Variants in RPS6KC1 observed in about 807,000 individuals in gnomAD.
The protein encoded by RPS6KC1 is inactive ribosomal protein S6 kinase delta-1.
A neutral mutation model predicts 103.8 loss-of-function variants in RPS6KC1; 54 were observed. That is an observed-to-expected ratio of 0.52 (90% CI 0.42 to 0.65). The LOEUF is 0.65. Ranked by LOEUF, RPS6KC1 falls within the 30% of genes least tolerant of loss-of-function variation. The probability of loss-of-function intolerance (pLI) is 0.00; values close to 1 mark genes in which losing one functional copy is unlikely to be tolerated. For synonymous variants in RPS6KC1, 439 were observed against 438.7 expected, an observed-to-expected ratio of 1.00 and a Z score of -0.01; for missense variants, 1,151 against 1,253.8, an observed-to-expected ratio of 0.92 and a Z score of 1.24.
intron 6 of RPS6KC1, among the ~76,000 whole-genome samples, chr1:213,167,265 A>G (rs960717425): frequency 6.6e-6 from 1 of 152,190 alleles, no homozygotes; most frequent in African/African-American, 2.4e-5. Context: ...GGAAGAAGAA[A>G]GGGACATTTC....
the RPS6KC1 span, among the ~76,000 whole-genome samples, chr1:213,305,354 A>G: frequency 1.3e-5 from 2 of 152,192 alleles, no homozygotes; most frequent in African/African-American, 4.8e-5. Context: ...AAGTGCTGAG[A>G]TTACAGGCAT....
At chr1:213,482,916 AT>A in the RPS6KC1 span, among the ~76,000 whole-genome samples, 1 of 151,896 alleles carries the variant, frequency 6.6e-6, no homozygotes, top group Non-Finnish European at 1.5e-5. Context: ...TCTGTTTATT[AT>A]GTATTTTAGT....
the RPS6KC1 span, among the ~76,000 whole-genome samples, chr1:213,389,316 AAAAAAAGG>A: frequency 2.0e-5 from 3 of 152,142 alleles, no homozygotes; most frequent in African/African-American, 7.2e-5. Flanking sequence ...TTTTACTTGG[AAAAAAAGG>A]TCTTATATTC....
the RPS6KC1 span, among the ~76,000 whole-genome samples, chr1:213,571,384 C>T: frequency 5.3e-5 from 8 of 152,198 alleles, no homozygotes; most frequent in East Asian, 3.9e-4. Flanking sequence ...CAATAAGAGG[C>T]GGAGAGGGCC....
chr1:213,477,128 G>A, the RPS6KC1 span, among the ~76,000 whole-genome samples: 18 of 152,026 alleles, frequency 1.2e-4, no homozygotes, highest in African/African-American at 4.3e-4. Context: ...AACCCTCTGT[G>A]GCTGCCTCAC....
the RPS6KC1 span, among the ~76,000 whole-genome samples, chr1:213,836,265 G>A: frequency 6.6e-6 from 1 of 151,384 alleles, no homozygotes; most frequent in Admixed American, 6.6e-5. Flanking sequence ...CAGTAAAGAT[G>A]TCAATTCTCC....
chr1:213,265,101 C>CCTATTCTTCAGG (rs1188934621), intron 14 of RPS6KC1, among the ~76,000 whole-genome samples: 2 of 152,130 alleles, frequency 1.3e-5, no homozygotes, highest in Non-Finnish European at 2.9e-5. Context: ...AGCTCTGTTG[C>CCTATTCTTCAGG]CTATTCTTCA....
chr1:213,778,051 T>C, the RPS6KC1 span, among the ~76,000 whole-genome samples: 1 of 152,132 alleles, frequency 6.6e-6, no homozygotes, highest in East Asian at 1.9e-4. Context: ...ACTCAGGCAG[T>C]CTGAACCCGA....
At chr1:213,205,810 A>C (rs2093334727) in intron 8 of RPS6KC1, among the ~76,000 whole-genome samples, 1 of 151,980 alleles carries the variant, frequency 6.6e-6, no homozygotes. Context: ...CAAGTTAAAT[A>C]TCTCTTATTC....
chr1:213,240,607 G>A (rs2094328318), intron 10 of RPS6KC1, 95 bp from the exon 11 acceptor site: 9 of 1,016,776 alleles, frequency 8.9e-6, no homozygotes, highest in Non-Finnish European at 1.3e-5. Context: ...TGTTTTGATT[G>A]ATTTTTAAGA....
chr1:213,140,548 C>T (rs996837785), intron 6 of RPS6KC1, among the ~76,000 whole-genome samples: 13 of 152,000 alleles, frequency 8.6e-5, no homozygotes, highest in South Asian at 2.1e-4. Flanking sequence ...TAACACAAAG[C>T]GATGTTGAAT....
the RPS6KC1 span, among the ~76,000 whole-genome samples, chr1:213,463,595 G>A: frequency 6.6e-6 from 1 of 152,226 alleles, no homozygotes; most frequent in Admixed American, 6.5e-5. Context: ...CCCTAGCGCA[G>A]TACATGTCCT....
chr1:213,280,176 A>G, the RPS6KC1 span, among the ~76,000 whole-genome samples: 1 of 152,168 alleles, frequency 6.6e-6, no homozygotes, highest in Non-Finnish European at 1.5e-5. Context: ...AGGAAGGGAA[A>G]AGACAAGGGG....
the RPS6KC1 span, among the ~76,000 whole-genome samples, chr1:213,376,694 C>A: frequency 6.6e-6 from 1 of 152,146 alleles, no homozygotes; most frequent in South Asian, 2.1e-4. Context: ...GGCAGACAGA[C>A]AATTAGGGGG....
chr1:213,275,349 A>G (rs1332999003), downstream of RPS6KC1, among the ~76,000 whole-genome samples: 1 of 152,144 alleles, frequency 6.6e-6, no homozygotes, highest in South Asian at 2.1e-4. Context: ...ATCATTCACT[A>G]TTATTCTACC....
chr1:213,217,123 A>G (rs2093686658), intron 8 of RPS6KC1, among the ~76,000 whole-genome samples: 2 of 151,768 alleles, frequency 1.3e-5, no homozygotes, highest in Non-Finnish European at 2.9e-5. Flanking sequence ...ATAGACAGCT[A>G]GCAAGACTAA....
chr1:213,702,587 A>G, the RPS6KC1 span, among the ~76,000 whole-genome samples: 1 of 151,958 alleles, frequency 6.6e-6, no homozygotes, highest in Non-Finnish European at 1.5e-5. Flanking sequence ...TTATATATCT[A>G]AGTGCTGCAG....
chr1:213,233,813 A>G (rs148698338), intron 10 of RPS6KC1, among the ~76,000 whole-genome samples: 9 of 152,266 alleles, frequency 5.9e-5, no homozygotes, highest in Non-Finnish European at 1.0e-4. Context: ...GAATGCTCAC[A>G]TGACCATAAA....
the RPS6KC1 span, among the ~76,000 whole-genome samples, chr1:213,526,094 G>GAAAACGGCAGCCATCAAT: frequency 6.6e-6 from 1 of 152,128 alleles, no homozygotes; most frequent in African/African-American, 2.4e-5. Flanking sequence ...AACTGCAGGA[G>GAAAACGGCAGCCATCAAT]AACAAAAGGA....
Sources: allele counts gnomAD v4.1 joint callset (sites outside exome capture counted in the v4.1 genomes callset), GRCh38; gene constraint gnomAD v4.1.1; transcripts MANE v1.5; gene names NCBI Gene and HGNC (gene_info 2026-07-23, HGNC 2026-07-21).